LRRC4C: variants seen among roughly 807,000 people sequenced by gnomAD.
LRRC4C encodes the protein leucine-rich repeat-containing protein 4C.
A neutral mutation model predicts 33.6 loss-of-function variants in LRRC4C; 5 were observed. That is an observed-to-expected ratio of 0.15 (90% confidence interval 0.08 to 0.31). The LOEUF is 0.31. Among genes scored for constraint, LRRC4C ranks in the 10% least tolerant of loss-of-function variants. LRRC4C has a pLI of 1.00. For synonymous variants in LRRC4C, 329 were observed against 302.0 expected (o/e 1.09, Z -0.93); for missense variants, 560 against 796.7 (o/e 0.70, Z 3.58).
At chr11:40,858,069 C>A (rs1018165164) in intron 2 of LRRC4C, among the ~76,000 whole-genome samples, 1 of 144,922 alleles carries the variant, frequency 6.9e-6, no homozygotes, top group Non-Finnish European at 1.5e-5. Flanking sequence ...TCTAAAGCTG[C>A]ACTACCCAAT....
rs138226557 is a variant in LRRC4C, at chr11:40,451,681, G to A, written c.-269-131960C>T. ...ATTACAGGCATAAGCCACTGCACCC[G>A]GCCAGAAATGATTTTGAGGGAAAAC... On this transcript the variant is annotated intron_variant, in intron 3 of 6. Transcript: ENST00000528697. 2.2e-4 allele frequency among the ~76,000 whole-genome samples: 34 copies of A among 152,068 alleles called. No individual in the cohort carries two copies. The East Asian group carries it at 5.6e-3, about 25-fold the overall frequency.
At chr11:40,369,237 C>T (rs531986244) in intron 3 of LRRC4C, among the ~76,000 whole-genome samples, 1 of 152,186 alleles carries the variant, frequency 6.6e-6, no homozygotes, top group African/African-American at 2.4e-5. Flanking sequence ...GCTCTGTCTC[C>T]TGCTGTGAAA....
chr11:40,779,202 AAAGAG>A (rs763010078), intron 2 of LRRC4C, among the ~76,000 whole-genome samples: 55 of 152,152 alleles, frequency 3.6e-4, no homozygotes, highest in Non-Finnish European at 4.1e-4. Context: ...AGTGAAAAAA[AAAGAG>A]AAGAGACTCA....
intron 2 of LRRC4C, among the ~76,000 whole-genome samples, chr11:40,903,820 G>C (rs1421776593): frequency 2.0e-5 from 3 of 152,112 alleles, no homozygotes; most frequent in Non-Finnish European, 4.4e-5. Flanking sequence ...TAGATTGTTT[G>C]TAAGACAAAG....
chr11:40,897,167 G>A (rs1955984965), intron 2 of LRRC4C, among the ~76,000 whole-genome samples: 1 of 152,074 alleles, frequency 6.6e-6, no homozygotes, highest in Non-Finnish European at 1.5e-5. Context: ...TTTTCATGAG[G>A]AATACTTGAA....
intron 6 of LRRC4C, among the ~76,000 whole-genome samples, chr11:40,127,489 T>C (rs1049248683): frequency 6.6e-6 from 1 of 152,072 alleles, no homozygotes; most frequent in African/African-American, 2.4e-5. Context: ...TGAGGGGCAC[T>C]GCAAGCCTAA....
chr11:40,199,647 A>G (rs1417344800), intron 5 of LRRC4C, among the ~76,000 whole-genome samples: 2 of 152,222 alleles, frequency 1.3e-5, no homozygotes, highest in African/African-American at 4.8e-5. Flanking sequence ...GTTATTTTAT[A>G]AAGATATTAA....
At chr11:41,067,784 A>G (rs958848982) in intron 1 of LRRC4C, among the ~76,000 whole-genome samples, 6 of 152,228 alleles carry the variant, frequency 3.9e-5, no homozygotes, top group Non-Finnish European at 7.3e-5. Context: ...TGGAAATTGA[A>G]CAACTTGCTC....
chr11:41,079,570 G>A (rs558132763), intron 1 of LRRC4C, among the ~76,000 whole-genome samples: 41 of 152,168 alleles, frequency 2.7e-4, no homozygotes, highest in African/African-American at 9.4e-4. Flanking sequence ...TAAGTTCAGA[G>A]AAAAGACACT....
rs151141100 is a variant in LRRC4C, at chr11:40,468,893, TA to T, written c.-269-149173del. On this transcript the variant is annotated intron_variant, in intron 3 of 6. Transcript: ENST00000528697. ...GTATTCTAATAACTTAAGATTAGACTAAAAAAAGTAATATTATTTTGCATTT... is the reference window on the plus strand; with the variant it reads ...GTATTCTAATAACTTAAGATTAGACTAAAAAAGTAATATTATTTTGCATTT... 5.1e-3 allele frequency among the ~76,000 whole-genome samples: 782 copies of T among 152,250 alleles called. 14 individuals are homozygous for T. Among genetic ancestry groups the T allele is most frequent in the African/African-American group, 0.018 (741 of 41,540 alleles).
At chr11:41,004,483 T>C (rs1273579542) in intron 1 of LRRC4C, among the ~76,000 whole-genome samples, 1 of 152,152 alleles carries the variant, frequency 6.6e-6, no homozygotes, top group Non-Finnish European at 1.5e-5. Context: ...ATTCCTAAAA[T>C]AGGCTAAAAG....
chr11:41,210,584 C>T (rs1946783400), intron 1 of LRRC4C, among the ~76,000 whole-genome samples: 1 of 152,022 alleles, frequency 6.6e-6, no homozygotes, highest in Non-Finnish European at 1.5e-5. Flanking sequence ...ATCCTTTGGT[C>T]ATAATGGTTA....
In LRRC4C at chr11:40,415,322, A is replaced by G. The variant is rs1349443989; in HGVS notation, c.-269-95601T>C. On this transcript the variant is annotated intron_variant, in intron 3 of 6. Transcript: ENST00000528697. Reference sequence around the variant, plus strand: ...CTTGGTTTAATGCTCTCTCATTGCTATCTTGATAATCCTAATTTTATCTTT... The same window carrying G: ...CTTGGTTTAATGCTCTCTCATTGCTGTCTTGATAATCCTAATTTTATCTTT... Among the ~76,000 whole-genome samples, 4 of 152,172 alleles carry G rather than the reference A, an allele frequency of 2.6e-5. No individual in the cohort carries two copies. The South Asian group carries it at 6.2e-4, about 24-fold the overall frequency.
intron 5 of LRRC4C, among the ~76,000 whole-genome samples, chr11:40,193,225 T>C (rs1861992869): frequency 6.6e-6 from 1 of 152,074 alleles, no homozygotes; most frequent in South Asian, 2.1e-4. Flanking sequence ...ATCTGGTGGG[T>C]GCCCCTCTGG....
chr11:41,085,543 G>T (rs1466255955), intron 1 of LRRC4C, among the ~76,000 whole-genome samples: 3 of 151,994 alleles, frequency 2.0e-5, no homozygotes, highest in African/African-American at 7.2e-5. Flanking sequence ...AGTGTTGTTA[G>T]GAGGATCAAA....
At chr11:40,503,076 C>A (rs1954855577) in intron 3 of LRRC4C, among the ~76,000 whole-genome samples, 1 of 152,106 alleles carries the variant, frequency 6.6e-6, no homozygotes, top group African/African-American at 2.4e-5. Context: ...CCCCAAGACA[C>A]CATGCTGACT....
Position 41,114,142 on chromosome 11 carries a change from C to T in LRRC4C, c.-495-180419G>A, listed in dbSNP as rs116309400. ...TTGAGGATCAAAAAATTGTAATGAA[C>T]GAAATGAAAACTTTCAGTTTTCAGT... On this transcript the variant is annotated intron_variant, in intron 1 of 6. Coordinates refer to ENST00000528697, the MANE Select transcript of LRRC4C (RefSeq NM_001258419.2). Among the ~76,000 whole-genome samples the T allele has an allele frequency of 6.9e-3, 1,045 of 151,916 alleles. 13 individuals are homozygous for T. Among genetic ancestry groups the T allele is most frequent in the African/African-American group, 0.023 (959 of 41,472 alleles).
intron 5 of LRRC4C, among the ~76,000 whole-genome samples, chr11:40,198,162 G>A (rs1330524769): frequency 6.6e-6 from 1 of 152,156 alleles, no homozygotes; most frequent in Non-Finnish European, 1.5e-5. Context: ...AAAGGAAGGC[G>A]AAAGGGACGG....
chr11:40,587,227 C>G (rs1315160163), intron 3 of LRRC4C, among the ~76,000 whole-genome samples: 1 of 150,372 alleles, frequency 6.7e-6, no homozygotes, highest in Non-Finnish European at 1.5e-5. Context: ...ATTTTATTCT[C>G]TTTGAAGCAA....
Sources: allele counts gnomAD v4.1 joint callset (sites outside exome capture counted in the v4.1 genomes callset), GRCh38; gene constraint gnomAD v4.1.1; transcripts MANE v1.5; gene names NCBI Gene and HGNC (gene_info 2026-07-23, HGNC 2026-07-21).